The following KYNU variants were observed in gnomAD, a reference collection of about 807,000 sequenced individuals.
KYNU encodes the protein kynureninase.
A neutral mutation model predicts 59.2 loss-of-function variants in KYNU; 54 were observed. That is an observed-to-expected ratio of 0.91 (90% CI 0.73 to 1.14). The LOEUF is 1.14. Among genes scored for constraint, KYNU ranks in the 50% most tolerant of loss-of-function variants. KYNU has a pLI of 0.00. For missense variants in KYNU, 567 were observed against 554.4 expected, an observed-to-expected ratio of 1.02 and a Z score of -0.23; for synonymous variants, 177 against 192.0, an observed-to-expected ratio of 0.92 and a Z score of 0.65.
intron 2 of KYNU, among the ~76,000 whole-genome samples, chr2:142,915,797 CA>C (rs1286737687): frequency 6.6e-6 from 1 of 152,142 alleles, no homozygotes; most frequent in African/African-American, 2.4e-5. Flanking sequence ...AACTTTTAAG[CA>C]GAGTGCTATG....
rs551658948 is a variant in KYNU, at chr2:142,996,175, C to T, written c.902+10154C>T. Among the ~76,000 whole-genome samples, 2 of 152,084 alleles carry T rather than the reference C, an allele frequency of 1.3e-5. 1 individual carries two copies. Among genetic ancestry groups the T allele is most frequent in the African/African-American group, 4.8e-5 (2 of 41,502 alleles). On this transcript the variant is annotated intron_variant, in intron 10 of 13. Transcript: ENST00000264170. ...CTTGAAGACGGAATTGTAGTATGGT[C>T]GAGCTCATGCTTTTTGTAGTAGGCC... is the stretch of plus-strand genomic sequence containing the variant.
intron 2 of KYNU, among the ~76,000 whole-genome samples, chr2:142,886,303 A>G (rs1681511356): frequency 1.3e-5 from 2 of 152,194 alleles, no homozygotes; most frequent in South Asian, 2.1e-4. Flanking sequence ...ATAAGGTACA[A>G]TTTTGGGTCC....
intron 13 of KYNU, among the ~76,000 whole-genome samples, chr2:143,041,620 T>C (rs1316595859): frequency 6.6e-6 from 1 of 151,968 alleles, no homozygotes; most frequent in Non-Finnish European, 1.5e-5. Flanking sequence ...CCACTTCTTA[T>C]TTGTGAGATC....
intron 4 of KYNU, among the ~76,000 whole-genome samples, chr2:142,941,441 T>C (rs1018948037): frequency 2.6e-5 from 4 of 152,212 alleles, no homozygotes; most frequent in African/African-American, 9.7e-5. Context: ...TCCCAAAATA[T>C]AATGTGGGAT....
rs538726279 is a variant in KYNU, at chr2:142,888,453, G to T, written c.169+2917G>T. On this transcript the variant is annotated intron_variant, in intron 2 of 13. Coordinates refer to ENST00000264170, the MANE Select transcript of KYNU (RefSeq NM_003937.3). ...AGCCTGGGTGACAGAGCAAGACCCT[G>T]TCTCTAAATAACAATAATTATTCTA... Among the ~76,000 whole-genome samples the T allele has an allele frequency of 2.0e-5, 3 of 152,238 alleles. No homozygotes were observed. In the South Asian group the frequency reaches 6.2e-4, roughly 32 times the overall value.
chr2:143,031,896 C>G (rs1030341550), intron 11 of KYNU, among the ~76,000 whole-genome samples: 1 of 152,058 alleles, frequency 6.6e-6, no homozygotes, highest in Admixed American at 6.6e-5. Flanking sequence ...AGGAAACTTA[C>G]AATCATGTCA....
intron 4 of KYNU, among the ~76,000 whole-genome samples, chr2:142,948,563 C>T (rs1013446307): frequency 8.5e-5 from 13 of 152,102 alleles, no homozygotes; most frequent in African/African-American, 1.4e-4. Context: ...ATGTGGATGG[C>T]GACAGGCAAA....
chr2:142,947,145 A>G (rs1463848116), intron 4 of KYNU: 1 of 1,551,050 alleles, frequency 6.4e-7, no homozygotes, highest in East Asian at 2.4e-5. Flanking sequence ...CAACCTGGAA[A>G]TGACCTCAGT....
Position 142,885,448 on chromosome 2 carries a change from G to A in KYNU, c.81G>A (p.Glu27=), listed in dbSNP as rs2104907585. The part of the protein sequence containing the change: ...AAELKCHPTD[E]RVALHLDEED... ...AACTCAAATGCCACCCAACGGATGA[G>A]AGGGTGGCTCTCCACCTAGATGAGG... The change falls in exon 2 of 14, where the codon GAG becomes GAA. Residue 27 remains glutamate (E), a synonymous_variant. Coordinates refer to ENST00000264170, the MANE Select transcript of KYNU (RefSeq NM_003937.3). 6.2e-7 allele frequency: 1 copy of A among 1,613,678 alleles called. No homozygotes were observed. The highest frequency in any genetic ancestry group is 8.5e-7 in the Non-Finnish European group (1 of 1,179,590).
chr2:142,997,131 A>G (rs1558966629), intron 10 of KYNU, among the ~76,000 whole-genome samples: 4 of 152,166 alleles, frequency 2.6e-5, no homozygotes, highest in Non-Finnish European at 4.4e-5. Flanking sequence ...TCAAGTATGA[A>G]TGAGTACTAT....
Position 143,053,478 on chromosome 2 carries a change from A to G in KYNU, c.*11306A>G, listed in dbSNP as rs1687302045. The G allele has an allele frequency of 6.6e-6, 1 of 152,184 alleles. No homozygotes were observed. Among genetic ancestry groups the G allele is most frequent in the Non-Finnish European group, 1.5e-5 (1 of 68,044 alleles). The allele number at this position is 152,184 out of a possible 1,614,324, so 9.4% of individuals were successfully genotyped here. On this transcript the variant is annotated 3_prime_UTR_variant, in exon 14 of 14. Transcript: ENST00000264170. ...TTTAAGAGGGGCCAGGGGCAGAATG[A>G]TATGGTTTGACTTTGTCCGCAGTCA...
chr2:142,880,428 C>T (rs143554556), intron 1 of KYNU, among the ~76,000 whole-genome samples: 17 of 152,312 alleles, frequency 1.1e-4, no homozygotes, highest in Non-Finnish European at 1.2e-4. Context: ...AATCCCTTGC[C>T]ATTGTGTAAC....
chr2:142,938,067 G>C (rs899556568), intron 4 of KYNU, among the ~76,000 whole-genome samples: 2 of 152,174 alleles, frequency 1.3e-5, no homozygotes, highest in African/African-American at 4.8e-5. Flanking sequence ...GGTTAGAGTA[G>C]AGGGTACCTC....
At chr2:142,972,857 G>A (rs1291052287) in intron 8 of KYNU, among the ~76,000 whole-genome samples, 3 of 147,852 alleles carry the variant, frequency 2.0e-5, no homozygotes, top group Admixed American at 1.4e-4. Context: ...ACAGAGATGA[G>A]GTCTCTCTCT....
intron 8 of KYNU, among the ~76,000 whole-genome samples, chr2:142,976,501 C>T (rs182199410): frequency 3.3e-5 from 5 of 152,194 alleles, no homozygotes; most frequent in East Asian, 1.9e-4. Context: ...TCTAGGACAA[C>T]GGGGTTTTTC....
At chr2:142,980,719 A>G (rs1685028475) in intron 8 of KYNU, among the ~76,000 whole-genome samples, 1 of 152,128 alleles carries the variant, frequency 6.6e-6, no homozygotes. Flanking sequence ...TGGTTGTGTC[A>G]ATATGAGTGT....
chr2:142,971,478 A>G lies in KYNU; in HGVS notation c.729+10708A>G, dbSNP rs1038620613. 7 of 152,198 alleles carry G rather than the reference A, an allele frequency of 4.6e-5. No homozygotes were observed. The East Asian group carries it at 1.3e-3, about 29-fold the overall frequency. The allele number at this position is 152,198 out of a possible 1,614,324, so 9.4% of individuals were successfully genotyped here. On this transcript the variant is annotated intron_variant, in intron 8 of 13. Coordinates refer to ENST00000264170, the MANE Select transcript of KYNU (RefSeq NM_003937.3). Reference sequence around the variant, plus strand: ...TGGCAACATTTTCTCACTTTTCTGTATCAGGATATATCTGTCTTCCTGCTA... The same window carrying G: ...TGGCAACATTTTCTCACTTTTCTGTGTCAGGATATATCTGTCTTCCTGCTA...
intron 2 of KYNU, among the ~76,000 whole-genome samples, chr2:142,889,500 T>C (rs1201641029): frequency 6.6e-6 from 1 of 152,210 alleles, no homozygotes; most frequent in African/African-American, 2.4e-5. Context: ...TTGACTCACC[T>C]GGCTGCAGGA....
rs1687171296 is a variant in KYNU at position 143,046,796 on chromosome 2, T to C, written c.*4624T>C. 1.3e-5 allele frequency: 2 copies of C among 152,080 alleles called. No individual in the cohort carries two copies. Among genetic ancestry groups the C allele is most frequent in the South Asian group, 4.1e-4 (2 of 4,828 alleles). 9.4% of individuals were successfully genotyped at this position (152,080 alleles called of 1,614,324 possible). ...CCCCTACTTTTTTTATATTTTTGAA[T>C]ACATCTAAATAAATTTAGAATAAAT... On this transcript the variant is annotated 3_prime_UTR_variant, in exon 14 of 14. Transcript: ENST00000264170.
Sources: allele counts gnomAD v4.1 joint callset (sites outside exome capture counted in the v4.1 genomes callset), GRCh38; gene constraint gnomAD v4.1.1; transcripts MANE v1.5; gene names NCBI Gene and HGNC (gene_info 2026-07-23, HGNC 2026-07-21).